DCLK1: variants seen among roughly 807,000 people sequenced by gnomAD.
DCLK1 encodes doublecortin like kinase 1.
A neutral mutation model predicts 86.2 loss-of-function variants in DCLK1; 16 were observed. That is an observed-to-expected ratio of 0.19 (90% confidence interval 0.13 to 0.28). The LOEUF (loss-of-function observed/expected upper bound fraction) is 0.28, where lower values mean the gene tolerates loss of function less well. Among genes scored for constraint, DCLK1 ranks in the 10% least tolerant of loss-of-function variants. DCLK1 has a pLI of 1.00. For missense variants in DCLK1, 590 were observed against 940.2 expected (o/e 0.63, Z 4.87); for synonymous variants, 369 against 370.5 (o/e 1.00, Z 0.05).
chr13:35,908,121 C>G (rs187678370), intron 4 of DCLK1, among the ~76,000 whole-genome samples: 1 of 151,858 alleles, frequency 6.6e-6, no homozygotes, highest in East Asian at 1.9e-4. Flanking sequence ...GGTTGGGGTA[C>G]AATTTGTTTC....
At chr13:35,947,171 T>C (rs1458536978) in intron 4 of DCLK1, among the ~76,000 whole-genome samples, 187 bp downstream of exon 4, 1 of 152,164 alleles carries the variant, frequency 6.6e-6, no homozygotes, top group African/African-American at 2.4e-5. Flanking sequence ...CTTTTCCAAT[T>C]CTCATTTCAT....
intron 2 of DCLK1, among the ~76,000 whole-genome samples, chr13:36,120,812 TAC>T (rs1271609161): frequency 6.6e-6 from 1 of 152,042 alleles, no homozygotes; most frequent in Non-Finnish European, 1.5e-5. Flanking sequence ...TGAGAAGACA[TAC>T]AGTTTTCTTT....
chr13:35,882,681 C>A (rs1593695765), intron 4 of DCLK1, among the ~76,000 whole-genome samples: 1 of 151,984 alleles, frequency 6.6e-6, no homozygotes, highest in Non-Finnish European at 1.5e-5. Context: ...ATTTATTTCC[C>A]TGCAAAAGGA....
intron 16 of DCLK1, among the ~76,000 whole-genome samples, chr13:35,785,450 G>A (rs1286194723): frequency 6.6e-6 from 1 of 152,150 alleles, no homozygotes; most frequent in Non-Finnish European, 1.5e-5. Flanking sequence ...GTCCTCCCTG[G>A]ACTCTGGGTG....
rs1178286933 is a variant in DCLK1, at chr13:35,996,102, T to A, written c.724-48645A>T. 3.3e-5 allele frequency among the ~76,000 whole-genome samples: 5 copies of A among 152,194 alleles called. No individual in the cohort carries two copies. In the East Asian group the frequency reaches 9.7e-4, roughly 29 times the overall value. ...CACCACCACGCCCAGTTAATTTTTG[T>A]ATTTTTAGTAGAGACGGGGCTTCAC... On this transcript the variant is annotated intron_variant, in intron 3 of 16. Transcript: ENST00000360631.
At chr13:35,892,823 C>A (rs779278387) in intron 4 of DCLK1, among the ~76,000 whole-genome samples, 7 of 152,148 alleles carry the variant, frequency 4.6e-5, no homozygotes, top group Non-Finnish European at 1.0e-4. Context: ...ACCTCTGGAT[C>A]TTTACCTGTT....
intron 3 of DCLK1, among the ~76,000 whole-genome samples, chr13:35,952,834 A>G (rs1173093895): frequency 1.3e-5 from 2 of 152,172 alleles, no homozygotes; most frequent in Non-Finnish European, 2.9e-5. Context: ...GGTGCTTAGC[A>G]TTATGCCATA....
intron 4 of DCLK1, among the ~76,000 whole-genome samples, chr13:35,878,316 T>G (rs914637114): frequency 6.6e-6 from 1 of 152,172 alleles, no homozygotes; most frequent in African/African-American, 2.4e-5. Context: ...TGGGCCTGCA[T>G]CTAGTAAGAA....
intron 3 of DCLK1, among the ~76,000 whole-genome samples, chr13:35,997,302 A>G (rs1051033666): frequency 4.6e-5 from 7 of 152,242 alleles, no homozygotes; most frequent in African/African-American, 1.7e-4. Context: ...ATAGGCCCCA[A>G]TCCAACTAAA....
chr13:36,018,180 A>C (rs777353845), intron 3 of DCLK1, among the ~76,000 whole-genome samples: 8 of 152,180 alleles, frequency 5.3e-5, no homozygotes, highest in Non-Finnish European at 1.0e-4. Flanking sequence ...TCTCTACACT[A>C]CACATTATGA....
intron 2 of DCLK1, 108 bp downstream of exon 2, chr13:36,125,654 A>G: frequency 6.9e-7 from 1 of 1,450,430 alleles, no homozygotes; most frequent in Non-Finnish European, 9.2e-7. Flanking sequence ...GATCACAGCC[A>G]TAAGGCTGAA....
chr13:35,842,235 A>G (rs1319334443), intron 6 of DCLK1, among the ~76,000 whole-genome samples: 2 of 148,870 alleles, frequency 1.3e-5, no homozygotes, highest in African/African-American at 2.5e-5. Context: ...TCTCAAAAAA[A>G]AAAAAAAAAA....
chr13:36,063,759 AGTAGC>A, intron 3 of DCLK1, among the ~76,000 whole-genome samples: 1 of 152,336 alleles, frequency 6.6e-6, no homozygotes, highest in South Asian at 2.1e-4. Flanking sequence ...TATTTTTCCT[AGTAGC>A]TAGTCAGGAA....
chr13:35,774,318 G>T lies in DCLK1; in HGVS notation c.*217C>A. ...TGCAAATTGGCCTTAACCCTTTGAG[G>T]ACTCTATTAGCAGCAAATTACCATC... On this transcript the variant is annotated 3_prime_UTR_variant, in exon 17 of 17. Coordinates refer to ENST00000360631, the MANE Select transcript of DCLK1 (RefSeq NM_001330071.2). 1 of 610,186 alleles carries T rather than the reference G, an allele frequency of 1.6e-6. No homozygotes were observed. The highest frequency in any genetic ancestry group is 2.7e-6 in the Non-Finnish European group (1 of 372,320). The allele number at this position is 610,186 out of a possible 1,614,324, so 37.8% of individuals were successfully genotyped here. A position where few individuals can be genotyped will look rare whatever the true frequency, so the allele number is the denominator to read the frequency against.
At chr13:35,903,229 A>G (rs984890567) in intron 4 of DCLK1, among the ~76,000 whole-genome samples, 3 of 152,204 alleles carry the variant, frequency 2.0e-5, no homozygotes, top group African/African-American at 7.2e-5. Flanking sequence ...AAAGGCTTCT[A>G]TCATCCCCAT....
chr13:36,088,170 C>T (rs1441355001), intron 3 of DCLK1, among the ~76,000 whole-genome samples: 1 of 152,156 alleles, frequency 6.6e-6, no homozygotes, highest in Non-Finnish European at 1.5e-5. Flanking sequence ...TCTGGAATAG[C>T]AGGTTGATGA....
intron 3 of DCLK1, among the ~76,000 whole-genome samples, chr13:35,951,997 T>C (rs1399944781): frequency 1.3e-5 from 2 of 152,160 alleles, no homozygotes; most frequent in Admixed American, 1.3e-4. Context: ...AGCTTCTGAG[T>C]TAACCCAGCA....
chr13:36,064,657 A>AT (rs1883683199), intron 3 of DCLK1, among the ~76,000 whole-genome samples: 1 of 99,896 alleles, frequency 1.0e-5, no homozygotes, highest in African/African-American at 3.1e-5. Context: ...GACTCCGTCT[A>AT]TTAAAAAAAA....
chr13:35,990,137 T>G (rs1400135724), intron 3 of DCLK1, among the ~76,000 whole-genome samples: 1 of 152,214 alleles, frequency 6.6e-6, no homozygotes, highest in South Asian at 2.1e-4. Flanking sequence ...TTCCCAACAA[T>G]GTCTTCCTAT....
Sources: allele counts gnomAD v4.1 joint callset (sites outside exome capture counted in the v4.1 genomes callset), GRCh38; gene constraint gnomAD v4.1.1; transcripts MANE v1.5; gene names NCBI Gene and HGNC (gene_info 2026-07-23, HGNC 2026-07-21).